The following RAB33B variants were observed in gnomAD, a reference collection of about 807,000 sequenced individuals.
RAB33B encodes the protein RAB33B, member RAS oncogene family, also known as ras-related protein Rab-33B.
Under a neutral mutation model 15.0 loss-of-function variants are expected in RAB33B, and 6 were observed. That is an observed-to-expected ratio of 0.40 (90% CI 0.22 to 0.79). The LOEUF (loss-of-function observed/expected upper bound fraction) is 0.79. Among genes scored for constraint, RAB33B ranks in the 30% least tolerant of loss-of-function variants. The pLI is 0.37. For missense variants in RAB33B, 257 were observed against 296.4 expected (o/e 0.87, Z 0.98); for synonymous variants, 117 against 108.3 (o/e 1.08, Z -0.50).
intron 1 of RAB33B, among the ~76,000 whole-genome samples, chr4:139,470,491 C>T (rs907018702): frequency 1.1e-4 from 16 of 152,196 alleles, no homozygotes; most frequent in African/African-American, 3.9e-4. Flanking sequence ...AAATGCTGTC[C>T]AAGAGTCAAG....
At position 139,475,574 on chromosome 4, in the gene RAB33B, G is replaced by C. The variant is rs1001499454; in HGVS notation, c.*2448G>C. 1.3e-5 allele frequency: 2 copies of C among 151,872 alleles called. No homozygotes were observed. The highest frequency in any genetic ancestry group is 6.6e-5 in the Admixed American group (1 of 15,256). The allele number at this position is 151,872 out of a possible 1,614,324, so 9.4% of individuals were successfully genotyped here. A position where few individuals can be genotyped will look rare whatever the true frequency, so the allele number is the denominator to read the frequency against. ...TAAAATATTTATAAAACATTTCACTGTTGCAAAATCACTTCCAAAATGATA... is the reference window on the plus strand; with the variant it reads ...TAAAATATTTATAAAACATTTCACTCTTGCAAAATCACTTCCAAAATGATA... On this transcript the variant is annotated 3_prime_UTR_variant, in exon 2 of 2. Transcript: ENST00000305626.
chr4:139,441,404 A>G, the RAB33B span, among the ~76,000 whole-genome samples: 1 of 152,230 alleles, frequency 6.6e-6, no homozygotes, highest in Non-Finnish European at 1.5e-5. Flanking sequence ...AAGCATTAGC[A>G]TATATATTTT....
intron 1 of RAB33B, among the ~76,000 whole-genome samples, chr4:139,463,955 G>A (rs527921554): frequency 2.0e-5 from 3 of 152,282 alleles, no homozygotes; most frequent in Non-Finnish European, 2.9e-5. Context: ...TATTAGTTAC[G>A]TTTATGGCTC....
At chr4:139,470,732 G>A (rs1402937868) in intron 1 of RAB33B, among the ~76,000 whole-genome samples, 9 of 152,114 alleles carry the variant, frequency 5.9e-5, no homozygotes, top group Non-Finnish European at 1.0e-4. Flanking sequence ...GGGCCCGAAG[G>A]CTCTTCAGTT....
chr4:139,456,292 CA>C (rs966312572), intron 1 of RAB33B, among the ~76,000 whole-genome samples: 6 of 151,554 alleles, frequency 4.0e-5, no homozygotes, highest in Non-Finnish European at 7.4e-5. Flanking sequence ...AAAACAAAAA[CA>C]AAAACGGAAG....
rs1411066964 is a variant in RAB33B, at chr4:139,475,574, G to GT, written c.*2450dup. 1.3e-4 allele frequency: 20 copies of GT among 151,990 alleles called. No individual in the cohort carries two copies. Among genetic ancestry groups the GT allele is most frequent in the African/African-American group, 3.6e-4 (15 of 41,518 alleles). The allele number at this position is 151,990 out of a possible 1,614,324, so 9.4% of individuals were successfully genotyped here. ...TAAAATATTTATAAAACATTTCACT[G>GT]TTGCAAAATCACTTCCAAAATGATA... On this transcript the variant is annotated 3_prime_UTR_variant, in exon 2 of 2. Transcript: ENST00000305626.
intron 1 of RAB33B, among the ~76,000 whole-genome samples, chr4:139,470,624 C>T (rs1284582304): frequency 6.6e-6 from 1 of 152,200 alleles, no homozygotes; most frequent in Admixed American, 6.5e-5. Flanking sequence ...ATAGCCACCA[C>T]AGCTAATTAT....
chr4:139,463,737 T>C (rs1013717630), intron 1 of RAB33B, among the ~76,000 whole-genome samples: 1 of 152,198 alleles, frequency 6.6e-6, no homozygotes, highest in African/African-American at 2.4e-5. Context: ...TTCTCTAGCC[T>C]TTTATGGTCA....
chr4:139,443,960 A>G, the RAB33B span, among the ~76,000 whole-genome samples: 1 of 152,308 alleles, frequency 6.6e-6, no homozygotes, highest in East Asian at 1.9e-4. Context: ...TTCTGGATCT[A>G]TAACAAGACT....
chr4:139,450,033 A>C (rs1208564488), upstream of RAB33B: 1 of 152,210 alleles, frequency 6.6e-6, no homozygotes, highest in African/African-American at 2.4e-5. Context: ...TGTTTTATCC[A>C]GGTGTTCACT....
Position 139,473,042 on chromosome 4 carries a change from C to T in RAB33B, c.606C>T (p.His202=), listed in dbSNP as rs1384854196. The stretch of plus-strand genomic sequence containing the variant: ...CCTTGGCTCATAAGCTTAAGAGCCA[C>T]AAACCATTAATGCTTAGTCAGCCCC... ...FMTLAHKLKS[H]KPLMLSQPPD... Residue 202 remains histidine, a synonymous_variant, in exon 2 of 2, where the codon CAC becomes CAT. Transcript: ENST00000305626. 3 of 1,614,156 alleles carry T rather than the reference C, an allele frequency of 1.9e-6. No individual in the cohort carries two copies. Among genetic ancestry groups the T allele is most frequent in the Non-Finnish European group, 1.7e-6 (2 of 1,180,006 alleles).
Position 139,464,397 on chromosome 4 carries a change from T to TTG in RAB33B, c.250-8288_250-8287insGT, listed in dbSNP as rs1561005243. 1.3e-3 allele frequency among the ~76,000 whole-genome samples: 199 copies of TTG among 147,782 alleles called. 2 individuals are homozygous for TTG. Among genetic ancestry groups the TTG allele is most frequent in the African/African-American group, 4.6e-3 (187 of 40,662 alleles). On this transcript the variant is annotated intron_variant, in intron 1 of 1. Coordinates refer to ENST00000305626, the MANE Select transcript of RAB33B (RefSeq NM_031296.3). The stretch of plus-strand genomic sequence containing the variant: ...GGAAGAGGAATACTGTTTTTTTTTT[T>TTG]TTTTTTTTTTTTTTTATACTTTAAG...
Position 139,475,316 on chromosome 4 carries a change from A to G in RAB33B, c.*2190A>G, listed in dbSNP as rs931262312. 1 of 151,982 alleles carries G rather than the reference A, an allele frequency of 6.6e-6. No homozygotes were observed. The highest frequency in any genetic ancestry group is 2.4e-5 in the African/African-American group (1 of 41,442). The allele number at this position is 151,982 out of a possible 1,614,324, so 9.4% of individuals were successfully genotyped here. ...GTTTATAGACTTTCCAAGCACATTT[A>G]TGGTTTTTTATTACTATTATTATGG... is the stretch of plus-strand genomic sequence containing the variant. On this transcript the variant is annotated 3_prime_UTR_variant, in exon 2 of 2. Coordinates refer to ENST00000305626, the MANE Select transcript of RAB33B (RefSeq NM_031296.3).
At chr4:139,460,270 G>A (rs1750146810) in intron 1 of RAB33B, among the ~76,000 whole-genome samples, 1 of 152,204 alleles carries the variant, frequency 6.6e-6, no homozygotes, top group Non-Finnish European at 1.5e-5. Context: ...ATATTCAAAT[G>A]GAAATACTGA....
upstream of RAB33B, chr4:139,453,075 A>G (rs993648336): frequency 6.6e-6 from 1 of 152,192 alleles, no homozygotes; most frequent in African/African-American, 2.4e-5. Flanking sequence ...TTCCTTAGGT[A>G]GACAAAGACA....
In RAB33B at chr4:139,475,200, T is replaced by G. The variant is rs1370227895; in HGVS notation, c.*2074T>G. On this transcript the variant is annotated 3_prime_UTR_variant, in exon 2 of 2. Transcript: ENST00000305626. The stretch of plus-strand genomic sequence containing the variant: ...ATTTTTGTAATAAAACAATGACAGC[T>G]GTAGTAACTATGATGGGTGTAACAA... 1.3e-5 allele frequency: 2 copies of G among 152,112 alleles called. No individual in the cohort carries two copies. The highest frequency in any genetic ancestry group is 2.9e-5 in the Non-Finnish European group (2 of 67,958). The allele number at this position is 152,112 out of a possible 1,614,324, so 9.4% of individuals were successfully genotyped here. A position where few individuals can be genotyped will look rare whatever the true frequency, so the allele number is the denominator to read the frequency against.
chr4:139,473,054 G>A lies in RAB33B; in HGVS notation c.618G>A (p.Met206Ile), dbSNP rs1165851890. The change falls in exon 2 of 2, where the codon ATG (methionine) becomes ATA (isoleucine). Residue 206 changes from methionine to isoleucine, a missense_variant. Coordinates refer to ENST00000305626, the MANE Select transcript of RAB33B (RefSeq NM_031296.3). ...AGCTTAAGAGCCACAAACCATTAAT[G>A]CTTAGTCAGCCCCCTGATAATGGAA... The part of the protein sequence containing the change: ...AHKLKSHKPL[M>I]LSQPPDNGII... The A allele has an allele frequency of 6.8e-6, 11 of 1,613,948 alleles. No individual in the cohort carries two copies. Among genetic ancestry groups the A allele is most frequent in the Non-Finnish European group, 8.5e-6 (10 of 1,180,008 alleles).
At chr4:139,450,740 T>G (rs1165516785), upstream of RAB33B, 1 of 152,090 alleles carries the variant, frequency 6.6e-6, no homozygotes, top group African/African-American at 2.4e-5. Flanking sequence ...TGCTCAGACC[T>G]GAACTTAAAG....
intron 1 of RAB33B, among the ~76,000 whole-genome samples, chr4:139,467,748 C>T (rs1449931091): frequency 2.0e-5 from 3 of 151,768 alleles, no homozygotes; most frequent in Admixed American, 6.6e-5. Flanking sequence ...GTCCCAGCTA[C>T]TCAGGTGGCT....
Sources: allele counts gnomAD v4.1 joint callset (sites outside exome capture counted in the v4.1 genomes callset), GRCh38; gene constraint gnomAD v4.1.1; transcripts MANE v1.5; gene names NCBI Gene and HGNC (gene_info 2026-07-23, HGNC 2026-07-21).